Variants in ZNF69 observed in about 807,000 individuals in gnomAD.
The protein encoded by ZNF69 is ZNF3.
Under a neutral mutation model 50.9 loss-of-function variants are expected in ZNF69, and 47 were observed. The ratio of observed to expected loss-of-function variants is 0.92; its 90% CI spans 0.73 to 1.18. ZNF69 has a LOEUF of 1.18. Among genes scored for constraint, ZNF69 ranks in the 50% most tolerant of loss-of-function variants. The probability of loss-of-function intolerance (pLI) is 0.00; values close to 1 mark genes in which losing one functional copy is unlikely to be tolerated. For synonymous variants in ZNF69, 216 were observed against 223.1 expected (o/e 0.97, Z 0.29); for missense variants, 717 against 675.1 (o/e 1.06, Z -0.69).
chr19:11,904,968 C>A lies in ZNF69; in HGVS notation c.571C>A (p.Pro191Thr), dbSNP rs771214690. 20 of 1,614,170 alleles carry A rather than the reference C, an allele frequency of 1.2e-5. No homozygotes were observed. In the South Asian group the frequency reaches 1.8e-4, roughly 14 times the overall value. The change falls in exon 4 of 4, where the codon CCC becomes ACC. Residue 191 changes from proline to threonine, a missense_variant. Coordinates refer to ENST00000429654, the MANE Select transcript of ZNF69 (RefSeq NM_001364730.1). ...ACAAAGGGATCACACTGGAGAGAAA[C>A]CCTATGCTTGTAAAGAATGTGGAAA... The part of the protein sequence containing the change: ...TPQRDHTGEK[P>T]YACKECGKTF...
At chr19:11,940,006 A>T in the ZNF69 span, 1 of 149,842 alleles carries the variant, frequency 6.7e-6, no homozygotes, top group African/African-American at 2.5e-5. Flanking sequence ...ACCTCGGCTC[A>T]CCGCAGCCTC....
chr19:11,962,772 A>G, the ZNF69 span, among the ~76,000 whole-genome samples: 1 of 152,210 alleles, frequency 6.6e-6, no homozygotes, highest in South Asian at 2.1e-4. Flanking sequence ...GACACTAGGT[A>G]TGAAACAAAT....
At chr19:11,958,967 C>G in the ZNF69 span, among the ~76,000 whole-genome samples, 1 of 152,214 alleles carries the variant, frequency 6.6e-6, no homozygotes, top group Non-Finnish European at 1.5e-5. Context: ...ACTGCAACCT[C>G]TGCCTCCCAG....
the ZNF69 span, among the ~76,000 whole-genome samples, chr19:11,921,532 T>G: frequency 6.6e-6 from 1 of 151,976 alleles, no homozygotes; most frequent in African/African-American, 2.4e-5. Flanking sequence ...AGACAGAGTC[T>G]CACTCTGTCA....
In ZNF69 at chr19:11,904,023, A is replaced by G. The variant is rs1181886373; in HGVS notation, c.251+58A>G. On this transcript the variant is annotated intron_variant, in intron 3 of 3. Transcript: ENST00000429654. ...CTCTAGACAATCTTAGAATATGACA[A>G]TATATTAAAAATAAGTAAAAGAACT... is the stretch of plus-strand genomic sequence containing the variant. 22 of 1,542,980 alleles carry G rather than the reference A, an allele frequency of 1.4e-5. No homozygotes were observed. The East Asian group carries it at 4.7e-4, about 33-fold the overall frequency.
chr19:11,904,871 AT>A lies in ZNF69; in HGVS notation c.475del (p.Tyr159MetfsTer54). 1 of 1,614,228 alleles carries A rather than the reference AT, an allele frequency of 6.2e-7. No homozygotes were observed. The highest frequency in any genetic ancestry group is 8.5e-7 in the Non-Finnish European group (1 of 1,180,046). On this transcript the variant is annotated frameshift_variant, in exon 4 of 4. Transcript: ENST00000429654. LOFTEE classifies it high-confidence loss of function. ...GACACAAGGCCTATGAGTATCAGGA[AT>A]ATGGACCGAAGCCATGTAAGTGTCA... ...IGHKAYEYQE[Y>X]GPKPCKCQQP...
Position 11,905,675 on chromosome 19 carries a change from A to G in ZNF69, c.1278A>G (p.Arg426=). 6.2e-7 allele frequency: 1 copy of G among 1,613,764 alleles called. No individual in the cohort carries two copies. The highest frequency in any genetic ancestry group is 8.5e-7 in the Non-Finnish European group (1 of 1,179,924). The change falls in exon 4 of 4, where the codon AGA becomes AGG. Residue 426 remains arginine, a synonymous_variant. Transcript: ENST00000429654. The part of the protein sequence containing the change: ...YECKQCGKAF[R]SSSHLQLHGR... ...GTAAGCAATGTGGGAAGGCCTTCAG[A>G]TCTTCCTCACACCTTCAATTGCATG...
chr19:11,953,754 A>G, the ZNF69 span, among the ~76,000 whole-genome samples: 1 of 152,232 alleles, frequency 6.6e-6, no homozygotes, highest in Non-Finnish European at 1.5e-5. Flanking sequence ...GGCCTTCCCC[A>G]GAGGCCTAAC....
the ZNF69 span, among the ~76,000 whole-genome samples, chr19:11,929,698 G>A: frequency 1.2e-4 from 18 of 147,906 alleles, 3 homozygotes; most frequent in African/African-American, 4.8e-4. Flanking sequence ...AGGGCAACTG[G>A]TTCCCCCTTA....
At chr19:11,899,462 T>C (rs1429073274) in intron 1 of ZNF69, among the ~76,000 whole-genome samples, 1 of 152,078 alleles carries the variant, frequency 6.6e-6, no homozygotes, top group East Asian at 1.9e-4. Flanking sequence ...AACATTCCAT[T>C]GTACAGATGT....
the ZNF69 span, among the ~76,000 whole-genome samples, chr19:11,963,480 C>A: frequency 6.6e-6 from 1 of 152,156 alleles, no homozygotes; most frequent in South Asian, 2.1e-4. Flanking sequence ...CATCCTTTGA[C>A]CCCATTTTGC....
chr19:11,936,375 C>T, the ZNF69 span, among the ~76,000 whole-genome samples: 1 of 152,170 alleles, frequency 6.6e-6, no homozygotes, highest in Non-Finnish European at 1.5e-5. Flanking sequence ...TTAATGATTG[C>T]CATTCTAACT....
downstream of ZNF69, among the ~76,000 whole-genome samples, chr19:11,919,258 C>T (rs1010705643): frequency 3.9e-5 from 6 of 152,008 alleles, no homozygotes; most frequent in Admixed American, 3.9e-4. Context: ...CATGTAGTGG[C>T]TCTGGCAGCA....
In ZNF69 at chr19:11,904,980, A is replaced by G. The variant is rs1196810805; in HGVS notation, c.583A>G (p.Lys195Glu). The G allele has an allele frequency of 1.9e-6, 3 of 1,614,062 alleles. No homozygotes were observed. Among genetic ancestry groups the G allele is most frequent in the African/African-American group, 1.3e-5 (1 of 74,926 alleles). ...DHTGEKPYAC[K>E]ECGKTFISHS... ...CACTGGAGAGAAACCCTATGCTTGTAAAGAATGTGGAAAAACTTTTATTTC... is the reference window on the plus strand; with the variant it reads ...CACTGGAGAGAAACCCTATGCTTGTGAAGAATGTGGAAAAACTTTTATTTC... Residue 195 changes from lysine (K) to glutamate (E), a missense_variant, in exon 4 of 4, where the codon AAA (lysine) becomes GAA (glutamate). Transcript: ENST00000429654.
At position 11,906,638 on chromosome 19, in the gene ZNF69, A is replaced by G. The variant is rs1317530712; in HGVS notation, c.*540A>G. On this transcript the variant is annotated 3_prime_UTR_variant, in exon 4 of 4. Coordinates refer to ENST00000429654, the MANE Select transcript of ZNF69 (RefSeq NM_001364730.1). ...CTGACTGTTAGAAGGAAAACTAACAAACAGAAAGGACAACCACACCAAAAC... is the reference window on the plus strand; with the variant it reads ...CTGACTGTTAGAAGGAAAACTAACAGACAGAAAGGACAACCACACCAAAAC... 6.6e-6 allele frequency among the ~76,000 whole-genome samples: 1 copy of G among 152,238 alleles called. No individual in the cohort carries two copies. Among genetic ancestry groups the G allele is most frequent in the East Asian group, 1.9e-4 (1 of 5,196 alleles).
At chr19:11,947,688 T>A in the ZNF69 span, 1 of 1,065,414 alleles carries the variant, frequency 9.4e-7, no homozygotes, top group Non-Finnish European at 1.4e-6. Flanking sequence ...TCATTTCTTC[T>A]TAGAATATTT....
chr19:11,950,891 G>A, the ZNF69 span: 37 of 164,742 alleles, frequency 2.2e-4, no homozygotes, highest in Admixed American at 2.2e-3. Context: ...AGTGGCTCAC[G>A]CCTGTAATCC....
chr19:11,948,686 C>CT, the ZNF69 span: 1 of 1,611,976 alleles, frequency 6.2e-7, no homozygotes, highest in South Asian at 1.1e-5. Context: ...GGGGATGGAA[C>CT]TTATAAATGT....
At chr19:11,934,906 T>G in the ZNF69 span, among the ~76,000 whole-genome samples, 1 of 146,216 alleles carries the variant, frequency 6.8e-6, no homozygotes, top group Non-Finnish European at 1.5e-5. Flanking sequence ...TTTGGTCGGG[T>G]GCGGTGGCTC....
Sources: allele counts gnomAD v4.1 joint callset (sites outside exome capture counted in the v4.1 genomes callset), GRCh38; gene constraint gnomAD v4.1.1; transcripts MANE v1.5; gene names NCBI Gene and HGNC (gene_info 2026-07-23, HGNC 2026-07-21).